The following PRDM2 variants were observed in gnomAD, a reference collection of about 807,000 sequenced individuals.
The protein encoded by PRDM2 is PR domain zinc finger protein 2.
In PRDM2, 30 loss-of-function variants were observed where a neutral mutation model predicts 130.0. The ratio of observed to expected loss-of-function variants is 0.23; its 90% confidence interval spans 0.17 to 0.31. The LOEUF is 0.31. PRDM2 is among the 10% of genes least tolerant of loss of function. The probability of loss-of-function intolerance (pLI) is 1.00; values close to 1 mark genes in which losing one functional copy is unlikely to be tolerated. For missense variants in PRDM2, 2,011 were observed against 2,108.4 expected (o/e 0.95, Z 0.90); for synonymous variants, 871 against 782.4 (o/e 1.11, Z -1.89).
rs760500682 is a variant in PRDM2, at chr1:13,781,321, G to C, written c.3526G>C (p.Asp1176His). The C allele has an allele frequency of 3.0e-5, 48 of 1,614,178 alleles. No individual in the cohort carries two copies. Among genetic ancestry groups the C allele is most frequent in the South Asian group, 1.9e-4 (17 of 91,076 alleles). Residue 1176 changes from aspartate to histidine, a missense_variant, in exon 8 of 10, where the codon GAC becomes CAC. Physicochemically the swap from Asp to His is moderately conservative, Grantham distance 81 (BLOSUM62 -1). Around this residue, in one of 5 missense-constraint regions of PRDM2, gnomAD observed 229 missense variants for 364.1 expected, o/e 0.63. Coordinates refer to ENST00000311066, the MANE Select transcript of PRDM2 (RefSeq NM_001393986.1). This position sits in a 1 kb window ranked among gnomAD's most constrained non-coding sequence, Gnocchi z 6.1. ...TGTGCAGCTTTTTAAGGATAAAACGGACTTGTCAGAACATCGCTTTTTGCT... is the reference window on the plus strand; with the variant it reads ...TGTGCAGCTTTTTAAGGATAAAACGCACTTGTCAGAACATCGCTTTTTGCT... ...FCVQLFKDKT[D>H]LSEHRFLLHG... is the part of the protein sequence containing the mutation.
chr1:13,810,739 C>T (rs1645159549), intron 8 of PRDM2, among the ~76,000 whole-genome samples: 1 of 151,896 alleles, frequency 6.6e-6, no homozygotes, highest in African/African-American at 2.4e-5. Flanking sequence ...CGTGATCCGC[C>T]CGCCTCGGCC....
chr1:13,733,418 C>A (rs1643170108), intron 4 of PRDM2, among the ~76,000 whole-genome samples: 1 of 151,928 alleles, frequency 6.6e-6, no homozygotes, highest in Admixed American at 6.6e-5. Context: ...CTGCACACTC[C>A]TTTGAGAGGA....
At chr1:13,745,039 A>G (rs969371152) in intron 5 of PRDM2, among the ~76,000 whole-genome samples, 4 of 152,202 alleles carry the variant, frequency 2.6e-5, no homozygotes, top group African/African-American at 7.2e-5. Flanking sequence ...TCTGCTATCT[A>G]TTCATTTCTC....
chr1:13,722,793 A>G, intron 2 of PRDM2: 1 of 513,076 alleles, frequency 1.9e-6, no homozygotes, highest in South Asian at 1.4e-5. Context: ...GACAGTCTCT[A>G]AAGCCAGCAG....
At chr1:13,742,843 T>C (rs555108170) in intron 5 of PRDM2, among the ~76,000 whole-genome samples, 3 of 152,234 alleles carry the variant, frequency 2.0e-5, no homozygotes, top group African/African-American at 7.2e-5. Context: ...GTCTCTGATA[T>C]TAATGCAGCC....
intron 2 of PRDM2, among the ~76,000 whole-genome samples, chr1:13,724,405 A>G (rs12749066): frequency 6.6e-6 from 1 of 151,782 alleles, no homozygotes; most frequent in African/African-American, 2.4e-5. Flanking sequence ...TGTCACAGCC[A>G]TGTTTTGTCC....
rs1283954153 is a variant in PRDM2, at chr1:13,806,946, C to A, written c.5037-9481C>A. ...GGCGTAGTATCCGGACCGATTGATC[C>A]CCCCACCCCAGGTCGTAGCCCACAC... On this transcript the variant is annotated intron_variant, in intron 8 of 9. Transcript: ENST00000311066. The surrounding 1 kb of genome is among the most constrained non-coding windows in gnomAD (Gnocchi z 4.1). Among the ~76,000 whole-genome samples, 2 of 152,116 alleles carry A rather than the reference C, an allele frequency of 1.3e-5. No homozygotes were observed. The highest frequency in any genetic ancestry group is 2.9e-5 in the Non-Finnish European group (2 of 68,040).
rs576953209 is a variant in PRDM2, at chr1:13,709,568, CTG to C, written c.-65-5971_-65-5970del. Reference sequence around the variant, plus strand: ...TAGTCTGCTAAAAGCTGCATCATCTCTGTATTTGCTACAGTATTTATTTGCCT... The same window carrying C: ...TAGTCTGCTAAAAGCTGCATCATCTCTATTTGCTACAGTATTTATTTGCCT... On this transcript the variant is annotated intron_variant, in intron 1 of 9. Transcript: ENST00000311066. Among the ~76,000 whole-genome samples the C allele has an allele frequency of 2.1e-3, 315 of 152,272 alleles. 1 individual carries two copies. The highest frequency in any genetic ancestry group is 3.4e-3 in the Middle Eastern group (1 of 294).
At chr1:13,755,045 C>T (rs1318332306) in intron 6 of PRDM2, among the ~76,000 whole-genome samples, 1 of 152,066 alleles carries the variant, frequency 6.6e-6, no homozygotes, top group African/African-American at 2.4e-5. Context: ...AACTCTGCTG[C>T]TGTTATGGTG....
intron 9 of PRDM2, among the ~76,000 whole-genome samples, chr1:13,821,498 T>C (rs911789420): frequency 3.9e-5 from 6 of 151,920 alleles, no homozygotes; most frequent in African/African-American, 1.5e-4. Flanking sequence ...GGTTTCACTC[T>C]GTCGCCCAGG....
At chr1:13,764,267 G>C (rs1445428993) in intron 6 of PRDM2, among the ~76,000 whole-genome samples, 1 of 152,000 alleles carries the variant, frequency 6.6e-6, no homozygotes, top group Non-Finnish European at 1.5e-5. Context: ...AGTTGAATTA[G>C]GTTCTTTATT....
chr1:13,815,574 A>C (rs931742963), intron 8 of PRDM2, among the ~76,000 whole-genome samples: 4 of 152,154 alleles, frequency 2.6e-5, no homozygotes, highest in Non-Finnish European at 2.9e-5. Context: ...GGAACACCCC[A>C]CCCAGGAGTT....
rs1645092684 is a variant in PRDM2, at chr1:13,806,810, C to T, written c.5037-9617C>T. 6.6e-6 allele frequency among the ~76,000 whole-genome samples: 1 copy of T among 152,194 alleles called. No homozygotes were observed. The highest frequency in any genetic ancestry group is 6.5e-5 in the Admixed American group (1 of 15,286). On this transcript the variant is annotated intron_variant, in intron 8 of 9. Transcript: ENST00000311066. This position sits in a 1 kb window ranked among gnomAD's most constrained non-coding sequence, Gnocchi z 4.1. ...CCAGAAGGACAACTGACTGACACCT[C>T]ACTTGAAGGCCTATGAGACCCTCCC...
intron 6 of PRDM2, chr1:13,769,051 C>G: frequency 1.3e-6 from 1 of 783,990 alleles, no homozygotes; most frequent in Non-Finnish European, 1.5e-6. Flanking sequence ...TTGTCCTGTC[C>G]CTCTGCTGTT....
intron 8 of PRDM2, among the ~76,000 whole-genome samples, chr1:13,798,780 G>A (rs944619563): frequency 2.0e-5 from 3 of 152,124 alleles, no homozygotes; most frequent in African/African-American, 7.2e-5. Flanking sequence ...TGGGGGGATC[G>A]ATCCTTCCCT....
intron 6 of PRDM2, among the ~76,000 whole-genome samples, chr1:13,753,538 ATTC>A (rs990952510): frequency 6.6e-6 from 1 of 152,258 alleles, no homozygotes; most frequent in African/African-American, 2.4e-5. Context: ...CATATTTGAA[ATTC>A]TTCTCTAAAG....
chr1:13,814,761 C>G (rs1166460060), intron 8 of PRDM2, among the ~76,000 whole-genome samples: 1 of 152,230 alleles, frequency 6.6e-6, no homozygotes, highest in South Asian at 2.1e-4. Flanking sequence ...ATTCCCGCCT[C>G]CTGTTCCCGC....
chr1:13,798,783 C>T (rs564846389), intron 8 of PRDM2, among the ~76,000 whole-genome samples: 4 of 152,198 alleles, frequency 2.6e-5, no homozygotes, highest in Non-Finnish European at 4.4e-5. Context: ...GGGGATCGAT[C>T]CTTCCCTAGT....
rs563329522 is a variant in PRDM2 at position 13,824,758 on chromosome 1, C to G, written c.*1623C>G. 3.9e-5 allele frequency: 6 copies of G among 152,416 alleles called. No homozygotes were observed. Among genetic ancestry groups the G allele is most frequent in the Admixed American group, 3.9e-4 (6 of 15,298 alleles). The allele number at this position is 152,416 out of a possible 1,614,324, so 9.4% of individuals were successfully genotyped here. A position where few individuals can be genotyped will look rare whatever the true frequency, so the allele number is the denominator to read the frequency against. ...TAACACTCATGAAGCATACCCCGGC[C>G]TCTCAGTTCTTGAGGGCCTCCCCAC... On this transcript the variant is annotated 3_prime_UTR_variant, in exon 10 of 10. Transcript: ENST00000311066.
Sources: allele counts gnomAD v4.1 joint callset (sites outside exome capture counted in the v4.1 genomes callset), GRCh38; gene constraint gnomAD v4.1.1; regional missense constraint gnomAD v4.1.1; non-coding constraint Gnocchi (gnomAD v3.1); transcripts MANE v1.5; gene names NCBI Gene and HGNC (gene_info 2026-07-23, HGNC 2026-07-21).